CLEC16A: variants seen among roughly 807,000 people sequenced by gnomAD.
CLEC16A encodes protein CLEC16A.
In CLEC16A, 51 loss-of-function variants were observed where a neutral mutation model predicts 109.5. The ratio of observed to expected loss-of-function variants is 0.47; its 90% CI spans 0.37 to 0.59. CLEC16A has a LOEUF of 0.59. Ranked by LOEUF, CLEC16A falls within the 20% of genes least tolerant of loss-of-function variation. The probability of loss-of-function intolerance (pLI) is 0.00; values close to 1 mark genes in which losing one functional copy is unlikely to be tolerated. For synonymous variants in CLEC16A, 673 were observed against 564.2 expected (o/e 1.19, Z -2.73); for missense variants, 1,339 against 1,394.0 (o/e 0.96, Z 0.63).
At chr16:11,170,529 G>T (rs2068464921) in intron 23 of CLEC16A, among the ~76,000 whole-genome samples, 1 of 152,132 alleles carries the variant, frequency 6.6e-6, no homozygotes, top group South Asian at 2.1e-4. Flanking sequence ...CCTCAGCCTG[G>T]CTCCCAGGAT....
intron 1 of CLEC16A, among the ~76,000 whole-genome samples, chr16:10,955,031 G>C (rs1052078356): frequency 3.3e-5 from 5 of 152,218 alleles, no homozygotes; most frequent in Non-Finnish European, 2.9e-5. Context: ...GAACAACCCA[G>C]TGAGGAAGCC....
At chr16:11,098,370 G>A (rs2050725522) in intron 19 of CLEC16A, among the ~76,000 whole-genome samples, 1 of 152,242 alleles carries the variant, frequency 6.6e-6, no homozygotes, top group South Asian at 2.1e-4. Flanking sequence ...CAAGTGGCAG[G>A]TAGCCTTTTC....
chr16:11,053,725 C>T (rs1472844248), intron 18 of CLEC16A, among the ~76,000 whole-genome samples: 1 of 152,162 alleles, frequency 6.6e-6, no homozygotes, highest in African/African-American at 2.4e-5. Flanking sequence ...CAAGGTCACC[C>T]AGCTAGTGAG....
intron 20 of CLEC16A, among the ~76,000 whole-genome samples, chr16:11,121,223 G>A (rs1424525336): frequency 1.3e-5 from 2 of 152,190 alleles, no homozygotes; most frequent in Non-Finnish European, 2.9e-5. Flanking sequence ...AGTACACGCA[G>A]ACTTCCTGGT....
intron 1 of CLEC16A, among the ~76,000 whole-genome samples, chr16:10,951,953 A>G (rs924101294): frequency 6.6e-6 from 1 of 152,240 alleles, no homozygotes; most frequent in Admixed American, 6.5e-5. Context: ...GATATTTGCA[A>G]ACAGTTGTCA....
At chr16:11,160,787 CTCCT>C (rs1441770437) in intron 22 of CLEC16A, among the ~76,000 whole-genome samples, 2 of 152,234 alleles carry the variant, frequency 1.3e-5, no homozygotes, top group African/African-American at 4.8e-5. Context: ...GGGACCCAAA[CTCCT>C]TCCTTTTCAG....
In CLEC16A at chr16:10,969,696, T is replaced by C. The variant is rs77314606; in HGVS notation, c.492+387T>C. Among the ~76,000 whole-genome samples, 272 of 152,286 alleles carry C rather than the reference T, an allele frequency of 1.8e-3. 1 individual carries two copies. The highest frequency in any genetic ancestry group is 2.6e-3 in the Non-Finnish European group (174 of 68,032). On this transcript the variant is annotated intron_variant, in intron 4 of 23. Coordinates refer to ENST00000409790, the MANE Select transcript of CLEC16A (RefSeq NM_015226.3). ...AATTCAGTTTGTTCTGAGAGCTTTATACTTGGTAGAGAGGAGACATGCCCA... is the reference window on the plus strand; with the variant it reads ...AATTCAGTTTGTTCTGAGAGCTTTACACTTGGTAGAGAGGAGACATGCCCA...
intron 19 of CLEC16A, among the ~76,000 whole-genome samples, chr16:11,067,125 A>G (rs2048802949): frequency 6.7e-6 from 1 of 149,256 alleles, no homozygotes; most frequent in Non-Finnish European, 1.5e-5. Context: ...ACTGTGCTTT[A>G]ATGGGGAGTG....
chr16:10,979,218 C>A, intron 8 of CLEC16A, 111 bp from the exon 9 acceptor site: 1 of 912,220 alleles, frequency 1.1e-6, no homozygotes, highest in Non-Finnish European at 1.7e-6. Context: ...TGGAGGAAGT[C>A]AGTGGGACAG....
intron 12 of CLEC16A, among the ~76,000 whole-genome samples, chr16:11,022,206 T>A (rs953250345): frequency 1.3e-5 from 2 of 152,282 alleles, no homozygotes; most frequent in Admixed American, 1.3e-4. Flanking sequence ...GGTTAGAGAC[T>A]GGCCCAGGTG....
intron 22 of CLEC16A, among the ~76,000 whole-genome samples, chr16:11,143,594 C>G (rs974670273): frequency 6.6e-6 from 1 of 152,226 alleles, no homozygotes; most frequent in African/African-American, 2.4e-5. Context: ...TCAGCTGCAT[C>G]TGCCGTCCAG....
At chr16:11,151,527 AAG>A (rs751795691) in intron 22 of CLEC16A, among the ~76,000 whole-genome samples, 1 of 152,220 alleles carries the variant, frequency 6.6e-6, no homozygotes, top group Non-Finnish European at 1.5e-5. Context: ...TCCTGCCAAA[AAG>A]AGAGAGAGTC....
In CLEC16A at chr16:11,003,242, G is replaced by A. The variant is rs375251864; in HGVS notation, c.1240G>A (p.Ala414Thr). Residue 414 changes from alanine to threonine, a missense_variant, in exon 11 of 24, where the codon GCC becomes ACC. This residue lies in a region of CLEC16A where 1,061 missense variants were observed against 1,006.8 expected (regional missense o/e 1.05). Coordinates refer to ENST00000409790, the MANE Select transcript of CLEC16A (RefSeq NM_015226.3). ...GCCCACCGAGGATGCCCAAGAAGACGCCGAGAAGGCTAAAGGTACAGAGGG... is the reference window on the plus strand; with the variant it reads ...GCCCACCGAGGATGCCCAAGAAGACACCGAGAAGGCTAAAGGTACAGAGGG... ...KGPTEDAQED[A>T]EKAKGTEGGS... is the part of the protein sequence containing the mutation. 3.1e-6 allele frequency: 5 copies of A among 1,613,066 alleles called. No individual in the cohort carries two copies. Among genetic ancestry groups the A allele is most frequent in the African/African-American group, 1.3e-5 (1 of 74,892 alleles).
At chr16:11,052,274 C>T (rs959700473) in intron 18 of CLEC16A, among the ~76,000 whole-genome samples, 1 of 152,174 alleles carries the variant, frequency 6.6e-6, no homozygotes, top group Non-Finnish European at 1.5e-5. Flanking sequence ...AGCACCATCA[C>T]CTTTTCCTAG....
In CLEC16A at chr16:10,977,417, G is replaced by A; in HGVS notation, c.903+18G>A. On this transcript the variant is annotated intron_variant, in intron 8 of 23. Coordinates refer to ENST00000409790, the MANE Select transcript of CLEC16A (RefSeq NM_015226.3). ...AGGACAAGGTGGGTCCAGCCCCGTG[G>A]CTCCCGCTGGCTGAAGGCCATCAGA... The A allele has an allele frequency of 6.2e-7, 1 of 1,604,862 alleles. No individual in the cohort carries two copies. The highest frequency in any genetic ancestry group is 1.1e-5 in the South Asian group (1 of 89,766).
At chr16:11,159,940 G>A (rs2054662970) in intron 22 of CLEC16A, among the ~76,000 whole-genome samples, 1 of 152,192 alleles carries the variant, frequency 6.6e-6, no homozygotes. Flanking sequence ...GAAACAGGTA[G>A]TATGTAAGGG....
rs1046388673 is a variant in CLEC16A at position 11,166,922 on chromosome 16, G to A, written c.2806+370G>A. On this transcript the variant is annotated intron_variant, in intron 23 of 23. Transcript: ENST00000409790. The stretch of plus-strand genomic sequence containing the variant: ...TTGTTTGCAGTCTAGGAAAAGAATC[G>A]CGTTCCTGCTGATTTTTTTTTTCCT... 3.3e-5 allele frequency among the ~76,000 whole-genome samples: 5 copies of A among 152,076 alleles called. No individual in the cohort carries two copies. In the East Asian group the frequency reaches 5.8e-4, roughly 18 times the overall value.
chr16:11,160,475 C>T (rs2153087684), intron 22 of CLEC16A, among the ~76,000 whole-genome samples: 1 of 152,174 alleles, frequency 6.6e-6, no homozygotes, highest in African/African-American at 2.4e-5. Flanking sequence ...GTTTCATAAG[C>T]CCTAGGTGGC....
chr16:11,038,237 C>CTA (rs1349109586), intron 13 of CLEC16A, among the ~76,000 whole-genome samples: 2 of 152,194 alleles, frequency 1.3e-5, no homozygotes, highest in African/African-American at 4.8e-5. Context: ...CTCTTCAATG[C>CTA]TATCTTCCAC....
Sources: gnomAD v4.1 joint callset for allele counts (sites outside exome capture counted in the v4.1 genomes callset) on GRCh38, gnomAD v4.1.1 for gene constraint, gnomAD v4.1.1 regional missense constraint, MANE v1.5 for transcripts, NCBI Gene and HGNC (gene_info 2026-07-23, HGNC 2026-07-21) for gene names.